The following PRKD1 variants were observed in gnomAD, a reference collection of about 807,000 sequenced individuals.
The protein encoded by PRKD1 is serine/threonine-protein kinase D1.
PRKD1 carries 63 observed loss-of-function variants against 95.9 expected under a neutral mutation model. That is an observed-to-expected ratio of 0.66 (90% CI 0.54 to 0.81). PRKD1 has a LOEUF of 0.81. Ranked by LOEUF, PRKD1 falls within the 30% of genes least tolerant of loss-of-function variation. PRKD1 has a pLI of 0.00. For missense variants in PRKD1, 1,048 were observed against 1,165.3 expected, an observed-to-expected ratio of 0.90 and a Z score of 1.47; for synonymous variants, 425 against 423.1, an observed-to-expected ratio of 1.00 and a Z score of -0.05.
intron 1 of PRKD1, among the ~76,000 whole-genome samples, chr14:29,824,459 A>T (rs1720105557): frequency 6.6e-6 from 1 of 152,124 alleles, no homozygotes; most frequent in Non-Finnish European, 1.5e-5. Flanking sequence ...CAGGAGCGGG[A>T]GCAGCATAGT....
intron 1 of PRKD1, among the ~76,000 whole-genome samples, chr14:29,737,001 G>A (rs781662085): frequency 6.6e-6 from 1 of 152,134 alleles, no homozygotes; most frequent in South Asian, 2.1e-4. Flanking sequence ...GGAACAAAAC[G>A]GAAAGAGAGA....
intron 1 of PRKD1, among the ~76,000 whole-genome samples, chr14:29,852,187 A>G (rs1892334429): frequency 1.3e-5 from 2 of 152,180 alleles, no homozygotes; most frequent in Non-Finnish European, 2.9e-5. Context: ...GCATCATGTA[A>G]TATACCCATG....
At chr14:29,653,044 G>A (rs1347308499) in intron 4 of PRKD1, among the ~76,000 whole-genome samples, 1 of 152,078 alleles carries the variant, frequency 6.6e-6, no homozygotes, top group East Asian at 1.9e-4. Flanking sequence ...TCTGAGGGGA[G>A]ATGTTCTATG....
intron 3 of PRKD1, 24 bp downstream of exon 3, chr14:29,666,053 T>TTACATAA (rs1263211979): frequency 6.4e-7 from 1 of 1,570,962 alleles, no homozygotes; most frequent in South Asian, 1.2e-5. Flanking sequence ...CACATTTAAC[T>TTACATAA]TGCATGGGAA....
intron 9 of PRKD1, 60 bp downstream of exon 9, chr14:29,632,809 T>C: frequency 6.9e-7 from 1 of 1,453,972 alleles, no homozygotes; most frequent in Non-Finnish European, 9.6e-7. Flanking sequence ...TCTTATACTC[T>C]ACATTCCCAT....
intron 1 of PRKD1, among the ~76,000 whole-genome samples, chr14:29,783,620 T>C (rs1889144697): frequency 6.6e-6 from 1 of 152,206 alleles, no homozygotes; most frequent in Non-Finnish European, 1.5e-5. Context: ...CCATCAATAG[T>C]GTACAAGAGT....
chr14:29,769,875 C>T (rs1030834191), intron 1 of PRKD1, among the ~76,000 whole-genome samples: 4 of 152,132 alleles, frequency 2.6e-5, no homozygotes, highest in African/African-American at 7.2e-5. Context: ...ATACATTATA[C>T]CTGCTATGAT....
chr14:29,619,748 T>C (rs1400764005), intron 13 of PRKD1, among the ~76,000 whole-genome samples: 1 of 152,122 alleles, frequency 6.6e-6, no homozygotes, highest in Non-Finnish European at 1.5e-5. Context: ...GGACTCAAAG[T>C]AGGTGAGCTT....
At chr14:29,907,959 G>C (rs1000272448) in intron 1 of PRKD1, among the ~76,000 whole-genome samples, 3 of 152,132 alleles carry the variant, frequency 2.0e-5, no homozygotes, top group Admixed American at 1.3e-4. Context: ...TACTAAAGAA[G>C]AGCAGGAAAG....
chr14:29,926,297 C>T (rs1486197651), intron 1 of PRKD1, among the ~76,000 whole-genome samples: 1 of 152,216 alleles, frequency 6.6e-6, no homozygotes, highest in East Asian at 1.9e-4. Flanking sequence ...CCTTTAGAGA[C>T]CTCTGTCTCC....
intron 16 of PRKD1, among the ~76,000 whole-genome samples, chr14:29,592,419 T>G (rs745573422): frequency 3.9e-5 from 6 of 152,252 alleles, no homozygotes; most frequent in Non-Finnish European, 8.8e-5. Context: ...GATGTATGTA[T>G]GTACTCTGTT....
At chr14:29,770,367 C>T (rs1046049318) in intron 1 of PRKD1, among the ~76,000 whole-genome samples, 5 of 152,080 alleles carry the variant, frequency 3.3e-5, no homozygotes, top group Non-Finnish European at 5.9e-5. Flanking sequence ...AAAAAGTCTA[C>T]GCTGCTATAA....
At chr14:29,719,199 T>C (rs1179215694) in intron 2 of PRKD1, among the ~76,000 whole-genome samples, 2 of 152,184 alleles carry the variant, frequency 1.3e-5, no homozygotes, top group Non-Finnish European at 2.9e-5. Context: ...ATTTCCATTT[T>C]GATCAGAATT....
chr14:29,856,089 G>C (rs1020037108), intron 1 of PRKD1, among the ~76,000 whole-genome samples: 5 of 152,108 alleles, frequency 3.3e-5, no homozygotes, highest in Non-Finnish European at 5.9e-5. Context: ...CTGGATGAAG[G>C]ATGGCACCAT....
rs1472511417 is a variant in PRKD1 at position 29,630,753 on chromosome 14, G to C, written c.1661C>G (p.Thr554Ser). ...ACTGGCAGACTCACTGTGCAAGTTG[G>C]TTCCTGTACCCACGGAGGAGCCCTT... Reference protein sequence around the residue: ...IPKGSSVGTGTNLHRDISVSI... With the variant: ...IPKGSSVGTGSNLHRDISVSI... Residue 554 changes from threonine (T) to serine (S), a missense_variant, in exon 10 of 18, where the codon ACC becomes AGC. Physicochemically the swap from Thr to Ser is moderately conservative, Grantham distance 58. Around this residue, in one of 3 missense-constraint regions of PRKD1, gnomAD observed 739 missense variants for 861.9 expected, o/e 0.86. Coordinates refer to ENST00000331968, the MANE Select transcript of PRKD1 (RefSeq NM_002742.3). The C allele has an allele frequency of 6.2e-7, 1 of 1,614,070 alleles. No individual in the cohort carries two copies. The highest frequency in any genetic ancestry group is 2.2e-5 in the East Asian group (1 of 44,860).
intron 2 of PRKD1, among the ~76,000 whole-genome samples, chr14:29,710,373 C>A (rs1178793632): frequency 6.6e-6 from 1 of 152,010 alleles, no homozygotes; most frequent in African/African-American, 2.4e-5. Flanking sequence ...ATATCATGTA[C>A]CCCTATGTGA....
chr14:29,779,827 C>T (rs534472060), intron 1 of PRKD1, among the ~76,000 whole-genome samples: 92 of 152,236 alleles, frequency 6.0e-4, no homozygotes, highest in African/African-American at 2.2e-3. Context: ...CCCACATTGC[C>T]AAGACAATCC....
At chr14:29,607,583 A>G (rs1878079794) in intron 13 of PRKD1, among the ~76,000 whole-genome samples, 1 of 152,176 alleles carries the variant, frequency 6.6e-6, no homozygotes, top group African/African-American at 2.4e-5. Context: ...CCTTGAAGCT[A>G]CCTGAATTCC....
intron 1 of PRKD1, among the ~76,000 whole-genome samples, chr14:29,810,966 C>T (rs937280717): frequency 1.3e-5 from 2 of 152,200 alleles, no homozygotes; most frequent in Admixed American, 6.5e-5. Context: ...AGTCTCCACA[C>T]AGTCTCACTG....
Sources: allele counts gnomAD v4.1 joint callset (sites outside exome capture counted in the v4.1 genomes callset), GRCh38; gene constraint gnomAD v4.1.1; regional missense constraint gnomAD v4.1.1; transcripts MANE v1.5; gene names NCBI Gene and HGNC (gene_info 2026-07-23, HGNC 2026-07-21).